Variants in KIF13A observed in about 807,000 individuals in gnomAD.
The protein encoded by KIF13A is kinesin family member 13A, also known as kinesin-like protein KIF13A.
Under a neutral mutation model 212.2 loss-of-function variants are expected in KIF13A, and 79 were observed. The ratio of observed to expected loss-of-function variants is 0.37; its 90% CI spans 0.31 to 0.45. KIF13A has a LOEUF of 0.45. Among genes scored for constraint, KIF13A ranks in the 20% least tolerant of loss-of-function variants. The pLI is 1.00. For synonymous variants in KIF13A, 789 were observed against 808.6 expected, an observed-to-expected ratio of 0.98 and a Z score of 0.41; for missense variants, 1,901 against 2,209.0, an observed-to-expected ratio of 0.86 and a Z score of 2.79.
chr6:17,941,200 T>C (rs374513512), intron 2 of KIF13A, among the ~76,000 whole-genome samples: 1 of 152,184 alleles, frequency 6.6e-6, no homozygotes, highest in Admixed American at 6.5e-5. Context: ...GCTACCCAAA[T>C]ATATTACCCT....
chr6:17,948,398 C>G (rs1777583965), intron 2 of KIF13A, among the ~76,000 whole-genome samples: 1 of 152,038 alleles, frequency 6.6e-6, no homozygotes, highest in African/African-American at 2.4e-5. Context: ...AAATAAAATA[C>G]AGAGTCAAAT....
intron 3 of KIF13A, among the ~76,000 whole-genome samples, chr6:17,891,911 C>G (rs1772098213): frequency 6.6e-6 from 1 of 152,120 alleles, no homozygotes; most frequent in South Asian, 2.1e-4. Flanking sequence ...CAGAGTGAGT[C>G]CCAAGGTGCT....
intron 20 of KIF13A, among the ~76,000 whole-genome samples, chr6:17,800,690 T>C (rs1404032872): frequency 6.6e-6 from 1 of 151,200 alleles, no homozygotes; most frequent in Non-Finnish European, 1.5e-5. Context: ...AACCTCCACC[T>C]CCTGGGTTCA....
At position 17,804,519 on chromosome 6, in the gene KIF13A, T is replaced by C. The variant is rs1378029213; in HGVS notation, c.2305-9A>G. 2 of 1,585,386 alleles carry C rather than the reference T, an allele frequency of 1.3e-6. No individual in the cohort carries two copies. The highest frequency in any genetic ancestry group is 1.7e-6 in the Non-Finnish European group (2 of 1,164,148). ...CCGTAGAGTCTCTTTGCCTGAGAAG[T>C]AGGAGGGGCCAGTGAGTGGACGAAT... On this transcript the variant is annotated splice_polypyrimidine_tract_variant and intron_variant, in intron 19 of 38. Transcript: ENST00000259711.
Position 17,787,673 on chromosome 6 carries a change from C to A in KIF13A, c.3361+103G>T, listed in dbSNP as rs980186980. 5.6e-6 allele frequency: 4 copies of A among 716,040 alleles called. No individual in the cohort carries two copies. The highest frequency in any genetic ancestry group is 2.5e-5 in the East Asian group (1 of 40,420). The allele number at this position is 716,040 out of a possible 1,614,324, so 44.4% of individuals were successfully genotyped here. The stretch of plus-strand genomic sequence containing the variant: ...CTTAAAACAACAACAACAACAACAA[C>A]AAAAATAAGATACTACTGTCCAGTT... On this transcript the variant is annotated intron_variant, in intron 27 of 38. Coordinates refer to ENST00000259711, the MANE Select transcript of KIF13A (RefSeq NM_022113.6). This position sits in a 1 kb window ranked among gnomAD's most constrained non-coding sequence, Gnocchi z 4.6.
In KIF13A at chr6:17,951,310, T is replaced by C; in HGVS notation, c.146+35744A>G. 4 of 605,720 alleles carry C rather than the reference T, an allele frequency of 6.6e-6. No individual in the cohort carries two copies. The highest frequency in any genetic ancestry group is 1.2e-5 in the Non-Finnish European group (4 of 340,768). 37.5% of individuals were successfully genotyped at this position (605,720 alleles called of 1,614,324 possible). On this transcript the variant is annotated intron_variant, in intron 2 of 38. Coordinates refer to ENST00000259711, the MANE Select transcript of KIF13A (RefSeq NM_022113.6). This position sits in a 1 kb window ranked among gnomAD's most constrained non-coding sequence, Gnocchi z 4.9. ...GTCCAGCTAATTTTAAACAAATTTT[T>C]TGTAGAGATGGGGTTTTGCCATGTT...
chr6:17,772,819 C>T lies in KIF13A; in HGVS notation c.4324+659G>A, dbSNP rs1236916726. 6.6e-6 allele frequency among the ~76,000 whole-genome samples: 1 copy of T among 152,096 alleles called. No homozygotes were observed. Among genetic ancestry groups the T allele is most frequent in the Non-Finnish European group, 1.5e-5 (1 of 68,014 alleles). ...CTTGCGAGCCTCTTTTTTTCCCCCT[C>T]AGGCCACCCTGCTATATATGACTAA... On this transcript the variant is annotated intron_variant, in intron 36 of 38. Coordinates refer to ENST00000259711, the MANE Select transcript of KIF13A (RefSeq NM_022113.6). This position sits in a 1 kb window ranked among gnomAD's most constrained non-coding sequence, Gnocchi z 4.8.
rs933749096 is a variant in KIF13A, at chr6:17,963,366, T to C, written c.146+23688A>G. 2.6e-5 allele frequency among the ~76,000 whole-genome samples: 4 copies of C among 152,122 alleles called. No individual in the cohort carries two copies. Among genetic ancestry groups the C allele is most frequent in the African/African-American group, 4.8e-5 (2 of 41,426 alleles). On this transcript the variant is annotated intron_variant, in intron 2 of 38. Transcript: ENST00000259711. This position sits in a 1 kb window ranked among gnomAD's most constrained non-coding sequence, Gnocchi z 4.1. ...CTGGGAGGGAGAGGCTGCAGTGAGC[T>C]AAGATCGTGCCGTTGCACTCTAGCC...
Position 17,960,386 on chromosome 6 carries a change from CT to C in KIF13A, c.146+26667del, listed in dbSNP as rs1778711136. Among the ~76,000 whole-genome samples, 5 of 152,272 alleles carry C rather than the reference CT, an allele frequency of 3.3e-5. No homozygotes were observed. The South Asian group carries it at 1.0e-3, about 32-fold the overall frequency. On this transcript the variant is annotated intron_variant, in intron 2 of 38. Coordinates refer to ENST00000259711, the MANE Select transcript of KIF13A (RefSeq NM_022113.6). The stretch of plus-strand genomic sequence containing the variant: ...ACTAAACTTAACAAATGAATTATAA[CT>C]AAAAATAACACTGCTAAACTTTAAA...
Position 17,940,637 on chromosome 6 carries a change from C to CTA in KIF13A, c.147-42459_147-42458dup, listed in dbSNP as rs1475642880. ...TTCAGGAAGAGACCTCACAGGAGAG[C>CTA]TATATATAAAAGACAGCAGAAGGCA... On this transcript the variant is annotated intron_variant, in intron 2 of 38. Coordinates refer to ENST00000259711, the MANE Select transcript of KIF13A (RefSeq NM_022113.6). Among the ~76,000 whole-genome samples the CTA allele has an allele frequency of 6.6e-5, 10 of 152,102 alleles. No homozygotes were observed. In the East Asian group the frequency reaches 1.9e-3, roughly 29 times the overall value.
rs191968226 is a variant in KIF13A, at chr6:17,824,576, C to T, written c.1786+1192G>A. Among the ~76,000 whole-genome samples, 306 of 151,904 alleles carry T rather than the reference C, an allele frequency of 2.0e-3. 1 individual carries two copies. The highest frequency in any genetic ancestry group is 0.014 in the Middle Eastern group (4 of 294). The stretch of plus-strand genomic sequence containing the variant: ...AGATTGAGACCAGCCTGCCTTAACA[C>T]GGTGAAACCCCGTCTCTACTAAAAA... On this transcript the variant is annotated intron_variant, in intron 16 of 38. Coordinates refer to ENST00000259711, the MANE Select transcript of KIF13A (RefSeq NM_022113.6).
At position 17,872,373 on chromosome 6, in the gene KIF13A, T is replaced by C. The variant is rs906557732; in HGVS notation, c.220+1004A>G. 2.0e-5 allele frequency among the ~76,000 whole-genome samples: 3 copies of C among 152,162 alleles called. No individual in the cohort carries two copies. The highest frequency in any genetic ancestry group is 4.8e-5 in the African/African-American group (2 of 41,432). ...GTCATTCAGCTGATGCTCTTATAAG[T>C]AGAAATAAGGAGAAAACACTCAGTA... On this transcript the variant is annotated intron_variant, in intron 4 of 38. Transcript: ENST00000259711. The surrounding 1 kb of genome is among the most constrained non-coding windows in gnomAD (Gnocchi z 4.7).
At chr6:17,808,476 A>T (rs1483490300) in intron 18 of KIF13A, among the ~76,000 whole-genome samples, 1 of 152,236 alleles carries the variant, frequency 6.6e-6, no homozygotes, top group East Asian at 1.9e-4. Context: ...TACATGCAAA[A>T]AAAAGCAGGC....
At chr6:17,881,486 G>C in intron 3 of KIF13A, 1 of 428,144 alleles carries the variant, frequency 2.3e-6, no homozygotes. Context: ...TATGAGGTCA[G>C]GAGATCGAGA....
intron 2 of KIF13A, among the ~76,000 whole-genome samples, chr6:17,942,180 T>C (rs1777011440): frequency 6.6e-6 from 1 of 151,848 alleles, no homozygotes; most frequent in South Asian, 2.1e-4. Flanking sequence ...CATACACCTA[T>C]AGTCCCAGCT....
Position 17,850,333 on chromosome 6 carries a change from A to G in KIF13A, c.707T>C (p.Leu236Pro). ...TGCCTAATCCCTTACCCCAGACTGC[A>G]GGTCATAAAGTGTCTGTGTGATTAT... ...NIIITQTLYD[L>P]QSGNSGEKVS... Residue 236 changes from leucine to proline, a missense_variant, in exon 8 of 39, where the codon CTG becomes CCG. By Grantham distance (98) the Leu-to-Pro change is moderately conservative (BLOSUM62 -3). Coordinates refer to ENST00000259711, the MANE Select transcript of KIF13A (RefSeq NM_022113.6). The surrounding 1 kb of genome is among the most constrained non-coding windows in gnomAD (Gnocchi z 6.2). The G allele has an allele frequency of 6.2e-7, 1 of 1,612,930 alleles. No individual in the cohort carries two copies. The highest frequency in any genetic ancestry group is 1.3e-5 in the African/African-American group (1 of 75,002).
At position 17,816,067 on chromosome 6, in the gene KIF13A, G is replaced by A. The variant is rs974566757; in HGVS notation, c.2000+953C>T. Among the ~76,000 whole-genome samples the A allele has an allele frequency of 2.7e-5, 4 of 148,226 alleles. No individual in the cohort carries two copies. The highest frequency in any genetic ancestry group is 1.0e-4 in the African/African-American group (4 of 40,046). On this transcript the variant is annotated intron_variant, in intron 17 of 38. Transcript: ENST00000259711. This position sits in a 1 kb window ranked among gnomAD's most constrained non-coding sequence, Gnocchi z 4.3. ...GGATTACAGGCGCCTGCCACCATGC[G>A]CTGCTATTTTTTCTTTTTTTTCTGT...
chr6:17,909,525 ACT>A (rs1355636017), intron 2 of KIF13A, among the ~76,000 whole-genome samples: 20 of 148,026 alleles, frequency 1.4e-4, no homozygotes, highest in Non-Finnish European at 2.8e-4. Context: ...ACAGAGTGAG[ACT>A]CTGTCTCAGA....
intron 4 of KIF13A, among the ~76,000 whole-genome samples, chr6:17,859,836 C>T (rs1768562196): frequency 6.6e-6 from 1 of 151,716 alleles, no homozygotes; most frequent in Non-Finnish European, 1.5e-5. Context: ...GAGGTTTCAC[C>T]ATATTGGCCA....
Sources: allele counts gnomAD v4.1 joint callset (sites outside exome capture counted in the v4.1 genomes callset), GRCh38; gene constraint gnomAD v4.1.1; non-coding constraint Gnocchi (gnomAD v3.1); transcripts MANE v1.5; gene names NCBI Gene and HGNC (gene_info 2026-07-23, HGNC 2026-07-21).